The following EP400 variants were observed in gnomAD, a reference collection of about 807,000 sequenced individuals.
EP400 encodes E1A binding protein p400.
EP400 carries 105 observed loss-of-function variants against 354.1 expected under a neutral mutation model. That is an observed-to-expected ratio of 0.30 (90% confidence interval 0.25 to 0.35). The LOEUF is 0.35. EP400 is among the 10% of genes least tolerant of loss of function. EP400 has a pLI of 1.00. For synonymous variants in EP400, 1,646 were observed against 1,716.9 expected, an observed-to-expected ratio of 0.96 and a Z score of 1.02; for missense variants, 3,280 against 4,121.0, an observed-to-expected ratio of 0.80 and a Z score of 5.59.
rs559796211 is a variant in EP400, at chr12:132,014,356, G to A, written c.3923+443G>A. Among the ~76,000 whole-genome samples, 10 of 152,310 alleles carry A rather than the reference G, an allele frequency of 6.6e-5. No homozygotes were observed. The South Asian group carries it at 1.9e-3, about 28-fold the overall frequency. The stretch of plus-strand genomic sequence containing the variant: ...GCGCAATGAGTCGTGCGTTGCATGG[G>A]GTGGAATGCGCCACGCAATGCACAC... On this transcript the variant is annotated intron_variant, in intron 19 of 52. Transcript: ENST00000389561.
In EP400 at chr12:132,020,101, T is replaced by A. The variant is rs775911908; in HGVS notation, c.4330T>A (p.Phe1444Ile). 3.7e-6 allele frequency: 6 copies of A among 1,603,760 alleles called. No homozygotes were observed. Among genetic ancestry groups the A allele is most frequent in the Middle Eastern group, 1.7e-4 (1 of 6,056 alleles). ...GAAGCCCGAGGGTCGCACCGTGGCT[T>A]TCCCCAGCACTCACCCGCCCCGGAC... ...GQKPEGRTVA[F>I]PSTHPPRTAA... The change falls in exon 22 of 53, where the codon TTC (phenylalanine) becomes ATC (isoleucine). Residue 1444 changes from phenylalanine (F) to isoleucine (I), a missense_variant. Around this residue, in one of 20 missense-constraint regions of EP400, gnomAD observed 342 missense variants for 342.7 expected, o/e 1.00. Coordinates refer to ENST00000389561, the MANE Select transcript of EP400 (RefSeq NM_015409.5).
chr12:132,003,215 CA>C (rs892089558), intron 12 of EP400, among the ~76,000 whole-genome samples: 2 of 149,032 alleles, frequency 1.3e-5, no homozygotes, highest in Admixed American at 6.7e-5. Context: ...AACAGCCAAC[CA>C]AAAAAACCCC....
rs1398000635 is a variant in EP400 at position 132,070,603 on chromosome 12, T to A, written c.9021+962T>A. On this transcript the variant is annotated intron_variant, in intron 51 of 52. Coordinates refer to ENST00000389561, the MANE Select transcript of EP400 (RefSeq NM_015409.5). This position sits in a 1 kb window ranked among gnomAD's most constrained non-coding sequence, Gnocchi z 4.1. ...AGTTAGCTTAGTTCATACACTACAA[T>A]CAAAACTGCTGAAAGTTTTTATTAG... is the stretch of plus-strand genomic sequence containing the variant. Among the ~76,000 whole-genome samples the A allele has an allele frequency of 6.6e-6, 1 of 152,248 alleles. No homozygotes were observed. Among genetic ancestry groups the A allele is most frequent in the Non-Finnish European group, 1.5e-5 (1 of 68,040 alleles).
At chr12:131,986,491 C>T (rs769800644) in intron 5 of EP400, 23 bp from the exon 6 acceptor site, 4 of 1,565,818 alleles carry the variant, frequency 2.6e-6, no homozygotes, top group African/African-American at 1.4e-5. Context: ...TCACCTTGCT[C>T]CACTTGTGCC....
chr12:132,071,090 C>T (rs910190238), intron 51 of EP400, among the ~76,000 whole-genome samples: 5 of 152,148 alleles, frequency 3.3e-5, no homozygotes, highest in African/African-American at 9.7e-5. Context: ...TGTCAGAGTC[C>T]GTATTTCACT....
intron 47 of EP400, among the ~76,000 whole-genome samples, 179 bp from the exon 48 acceptor site, chr12:132,064,489 A>G (rs115631051): frequency 3.0e-4 from 46 of 152,360 alleles, no homozygotes; most frequent in African/African-American, 1.0e-3. Flanking sequence ...CACATTTTTA[A>G]TAAATGAACA....
chr12:131,953,226 A>G (rs1418784122), intron 1 of EP400, among the ~76,000 whole-genome samples: 1 of 152,220 alleles, frequency 6.6e-6, no homozygotes, highest in Non-Finnish European at 1.5e-5. Context: ...AGAGAAACTT[A>G]TACAGATGTT....
intron 1 of EP400, among the ~76,000 whole-genome samples, chr12:131,952,320 AAAAAAG>A (rs1566156259): frequency 6.7e-6 from 1 of 148,724 alleles, no homozygotes; most frequent in African/African-American, 2.5e-5. Context: ...AAAAAAAAAA[AAAAAAG>A]AAAAAGAAAT....
chr12:131,972,666 A>G (rs544224646), intron 2 of EP400, among the ~76,000 whole-genome samples: 3 of 151,092 alleles, frequency 2.0e-5, no homozygotes, highest in Non-Finnish European at 2.9e-5. Flanking sequence ...GAAATTTTTC[A>G]TCATTTTCCT....
chr12:131,974,947 GC>G (rs1415175378), intron 2 of EP400, among the ~76,000 whole-genome samples: 3 of 131,778 alleles, frequency 2.3e-5, no homozygotes, highest in Non-Finnish European at 1.5e-5. Flanking sequence ...CAGGGCTTGT[GC>G]CACTGTACTC....
intron 41 of EP400, among the ~76,000 whole-genome samples, chr12:132,051,806 C>A (rs970462518): frequency 6.6e-6 from 1 of 151,952 alleles, no homozygotes; most frequent in Non-Finnish European, 1.5e-5. Flanking sequence ...TCTCTAAACT[C>A]CCCTGGGGAA....
intron 23 of EP400, among the ~76,000 whole-genome samples, chr12:132,021,886 C>T (rs1448481035): frequency 2.0e-5 from 3 of 152,128 alleles, no homozygotes; most frequent in Non-Finnish European, 2.9e-5. Flanking sequence ...TTTGCTGTGT[C>T]CAGTGGGATT....
chr12:131,961,979 T>G, intron 2 of EP400, 25 bp downstream of exon 2: 1 of 1,591,940 alleles, frequency 6.3e-7, no homozygotes, highest in East Asian at 2.2e-5. Flanking sequence ...TTAATTTGTT[T>G]AGTACAAATC....
At chr12:131,955,214 T>C (rs147469041) in intron 1 of EP400, among the ~76,000 whole-genome samples, 174 of 152,360 alleles carry the variant, frequency 1.1e-3, no homozygotes, top group African/African-American at 3.9e-3. Flanking sequence ...GTTTCTCTAA[T>C]GTGGCTATAA....
At chr12:132,026,174 C>T (rs1032859098) in intron 25 of EP400, among the ~76,000 whole-genome samples, 8 of 152,132 alleles carry the variant, frequency 5.3e-5, no homozygotes, top group Admixed American at 1.3e-4. Flanking sequence ...TTGTCCGGCC[C>T]GAGCTGCCAC....
At chr12:132,059,972 A>G (rs967059115) in intron 45 of EP400, among the ~76,000 whole-genome samples, 3 of 152,112 alleles carry the variant, frequency 2.0e-5, no homozygotes, top group East Asian at 1.9e-4. Context: ...GCAGTGAGCC[A>G]AGATCACACC....
At position 132,052,706 on chromosome 12, in the gene EP400, C is replaced by T. The variant is rs1402255822; in HGVS notation, c.7395-440C>T. Among the ~76,000 whole-genome samples the T allele has an allele frequency of 6.6e-6, 1 of 151,800 alleles. No homozygotes were observed. The highest frequency in any genetic ancestry group is 1.9e-4 in the East Asian group (1 of 5,154). On this transcript the variant is annotated intron_variant, in intron 41 of 52. Coordinates refer to ENST00000389561, the MANE Select transcript of EP400 (RefSeq NM_015409.5). The surrounding 1 kb of genome is among the most constrained non-coding windows in gnomAD (Gnocchi z 4.4). Reference sequence around the variant, plus strand: ...TCACCCTACTAATATTTATGGACCGCGGGCCTGCGCGGCGTGGAGCCTGGG... The same window carrying T: ...TCACCCTACTAATATTTATGGACCGTGGGCCTGCGCGGCGTGGAGCCTGGG...
intron 2 of EP400, 94 bp downstream of exon 2, chr12:131,962,048 G>A: frequency 7.0e-7 from 1 of 1,420,488 alleles, no homozygotes; most frequent in Non-Finnish European, 9.3e-7. Flanking sequence ...TGAGCCTGCG[G>A]TATTTCTAAG....
intron 25 of EP400, among the ~76,000 whole-genome samples, chr12:132,026,844 T>C (rs1894323874): frequency 6.6e-6 from 1 of 152,204 alleles, no homozygotes; most frequent in African/African-American, 2.4e-5. Context: ...CTCAGACACC[T>C]CTTTGACCAC....
Sources: allele counts gnomAD v4.1 joint callset (sites outside exome capture counted in the v4.1 genomes callset), GRCh38; gene constraint gnomAD v4.1.1; regional missense constraint gnomAD v4.1.1; non-coding constraint Gnocchi (gnomAD v3.1); transcripts MANE v1.5; gene names NCBI Gene and HGNC (gene_info 2026-07-23, HGNC 2026-07-21).